The following NELL1 variants were observed in gnomAD, a reference collection of about 807,000 sequenced individuals.
NELL1 encodes protein kinase C-binding protein NELL1.
In NELL1, 76 loss-of-function variants were observed where a neutral mutation model predicts 107.4. The observed-to-expected ratio is 0.71, with a 90% confidence interval of 0.59 to 0.86. NELL1 has a LOEUF of 0.86. Ranked by LOEUF, NELL1 falls within the 40% of genes least tolerant of loss-of-function variation. NELL1 has a pLI of 0.00. For missense variants in NELL1, 1,024 were observed against 1,005.5 expected (o/e 1.02, Z -0.25); for synonymous variants, 353 against 341.2 (o/e 1.03, Z -0.38).
At chr11:20,800,608 A>T (rs1355725616) in intron 3 of NELL1, among the ~76,000 whole-genome samples, 1 of 152,182 alleles carries the variant, frequency 6.6e-6, no homozygotes, top group African/African-American at 2.4e-5. Flanking sequence ...CCTCTGTTAG[A>T]TGCAGAGTTT....
At chr11:21,520,553 C>T (rs562250820) in intron 15 of NELL1, among the ~76,000 whole-genome samples, 1 of 152,182 alleles carries the variant, frequency 6.6e-6, no homozygotes, top group East Asian at 1.9e-4. Flanking sequence ...ACAGAGGGAG[C>T]CTAAATCCTG....
intron 12 of NELL1, among the ~76,000 whole-genome samples, chr11:20,989,390 A>G (rs1851923277): frequency 6.6e-6 from 1 of 152,188 alleles, no homozygotes; most frequent in Non-Finnish European, 1.5e-5. Context: ...GAATACAAAA[A>G]AGGGTGATCA....
chr11:20,773,465 T>C (rs1311210758), intron 2 of NELL1: 1 of 152,160 alleles, frequency 6.6e-6, no homozygotes, highest in Non-Finnish European at 1.5e-5. Flanking sequence ...TCCAAGGTTA[T>C]ATACTTGATA....
intron 13 of NELL1, among the ~76,000 whole-genome samples, chr11:21,205,808 C>T (rs1241656192): frequency 6.6e-6 from 1 of 152,162 alleles, no homozygotes; most frequent in African/African-American, 2.4e-5. Flanking sequence ...GAGAAATGTA[C>T]TGATATTTTA....
chr11:21,067,562 A>G (rs1455437370), intron 12 of NELL1, among the ~76,000 whole-genome samples: 1 of 152,204 alleles, frequency 6.6e-6, no homozygotes, highest in Non-Finnish European at 1.5e-5. Context: ...GAAATTTTAC[A>G]GAGAGGAAGT....
At chr11:21,058,520 G>C (rs1853663965) in intron 12 of NELL1, among the ~76,000 whole-genome samples, 2 of 152,104 alleles carry the variant, frequency 1.3e-5, no homozygotes, top group African/African-American at 4.8e-5. Context: ...AATGGGGTGG[G>C]AGACTTTGTA....
At chr11:20,988,100 C>A (rs139382534) in intron 12 of NELL1, among the ~76,000 whole-genome samples, 25 of 152,264 alleles carry the variant, frequency 1.6e-4, no homozygotes, top group African/African-American at 5.8e-4. Context: ...TATCTTCAAT[C>A]TGCTATTTGG....
At chr11:20,681,769 C>G (rs963110290) in intron 2 of NELL1, among the ~76,000 whole-genome samples, 1 of 152,056 alleles carries the variant, frequency 6.6e-6, no homozygotes, top group Admixed American at 6.6e-5. Context: ...GGGCTGTGTT[C>G]TTTCTGGAAG....
intron 5 of NELL1, among the ~76,000 whole-genome samples, chr11:20,910,015 G>A (rs1174103183): frequency 6.6e-6 from 1 of 152,152 alleles, no homozygotes; most frequent in Admixed American, 6.5e-5. Context: ...CTCAAAAATT[G>A]TGTTGATAAG....
intron 16 of NELL1, among the ~76,000 whole-genome samples, chr11:21,536,220 A>G (rs1856134363): frequency 6.6e-6 from 1 of 152,172 alleles, no homozygotes; most frequent in Admixed American, 6.5e-5. Context: ...TAGTGAGCAT[A>G]GTACACAATA....
intron 5 of NELL1, among the ~76,000 whole-genome samples, chr11:20,915,455 A>C (rs1850224692): frequency 6.6e-6 from 1 of 151,544 alleles, no homozygotes; most frequent in South Asian, 2.1e-4. Context: ...ATTCTCAGGA[A>C]CTTGAAGTTT....
At chr11:20,729,882 A>G (rs1165659845) in intron 2 of NELL1, among the ~76,000 whole-genome samples, 2 of 152,160 alleles carry the variant, frequency 1.3e-5, no homozygotes, top group East Asian at 3.9e-4. Flanking sequence ...AATTGGATGC[A>G]CTCAGGATGT....
chr11:20,875,253 C>G (rs1410650446), intron 4 of NELL1, among the ~76,000 whole-genome samples: 2 of 152,070 alleles, frequency 1.3e-5, no homozygotes, highest in Non-Finnish European at 2.9e-5. Flanking sequence ...CATATTTACC[C>G]TAACTTTGGA....
chr11:21,234,469 G>A (rs908342550), intron 14 of NELL1, among the ~76,000 whole-genome samples: 5 of 152,142 alleles, frequency 3.3e-5, no homozygotes, highest in South Asian at 2.1e-4. Context: ...ATGATTGGGC[G>A]TGGGACAGGG....
At chr11:20,788,395 C>T (rs1422425131) in intron 3 of NELL1, among the ~76,000 whole-genome samples, 1 of 152,184 alleles carries the variant, frequency 6.6e-6, no homozygotes, top group Non-Finnish European at 1.5e-5. Flanking sequence ...GATAGACATT[C>T]TAATGTGTAT....
At chr11:21,309,278 ATG>A (rs1158935521) in intron 14 of NELL1, among the ~76,000 whole-genome samples, 945 of 16,200 alleles carry the variant, frequency 0.058, 13 homozygotes, top group East Asian at 0.17. Context: ...ATATATATAT[ATG>A]TATATATATA....
intron 15 of NELL1, among the ~76,000 whole-genome samples, chr11:21,462,901 AC>A (rs1853934188): frequency 6.6e-6 from 1 of 152,062 alleles, no homozygotes; most frequent in African/African-American, 2.4e-5. Flanking sequence ...TGCCAGAAGC[AC>A]CTGTGTTTGA....
chr11:21,503,131 T>C (rs1230292551), intron 15 of NELL1, among the ~76,000 whole-genome samples: 1 of 152,228 alleles, frequency 6.6e-6, no homozygotes. Context: ...TCTGCCTGCC[T>C]TGGCCTCCCA....
intron 12 of NELL1, among the ~76,000 whole-genome samples, chr11:21,050,565 A>G (rs1853467909): frequency 6.6e-6 from 1 of 152,216 alleles, no homozygotes; most frequent in African/African-American, 2.4e-5. Flanking sequence ...TGACACATAA[A>G]TATTCAGACC....
Sources: gnomAD v4.1 joint callset for allele counts (sites outside exome capture counted in the v4.1 genomes callset) on GRCh38, gnomAD v4.1.1 for gene constraint, MANE v1.5 for transcripts, NCBI Gene and HGNC (gene_info 2026-07-23, HGNC 2026-07-21) for gene names.